Variants in GRAMD1B observed in about 807,000 individuals in gnomAD.
The protein encoded by GRAMD1B is protein Aster-B.
Under a neutral mutation model 99.7 loss-of-function variants are expected in GRAMD1B, and 37 were observed. That is an observed-to-expected ratio of 0.37 (90% confidence interval 0.29 to 0.49). The LOEUF (loss-of-function observed/expected upper bound fraction) is 0.49. Ranked by LOEUF, GRAMD1B falls within the 20% of genes least tolerant of loss-of-function variation. The probability of loss-of-function intolerance (pLI) is 0.98; values close to 1 mark genes in which losing one functional copy is unlikely to be tolerated. For missense variants in GRAMD1B, 888 were observed against 1,009.2 expected (o/e 0.88, Z 1.63); for synonymous variants, 427 against 387.6 (o/e 1.10, Z -1.19).
At chr11:123,389,532 C>T (rs1235532219) in intron 1 of GRAMD1B, among the ~76,000 whole-genome samples, 2 of 152,060 alleles carry the variant, frequency 1.3e-5, no homozygotes, top group African/African-American at 2.4e-5. Flanking sequence ...AAATGTAATG[C>T]AGCGTCCTGG....
At chr11:123,606,860 C>A in intron 11 of GRAMD1B, 62 bp downstream of exon 11, 1 of 1,312,320 alleles carries the variant, frequency 7.6e-7, no homozygotes, top group South Asian at 1.2e-5. Context: ...AAAAGGAGAT[C>A]TCTATGTGGG....
rs570229472 is a variant in GRAMD1B, at chr11:123,596,748, T to G, written c.969+711T>G. On this transcript the variant is annotated intron_variant, in intron 7 of 19. Coordinates refer to ENST00000635736, the MANE Select transcript of GRAMD1B (RefSeq NM_001387025.1). Reference sequence around the variant, plus strand: ...TTTTGTTTTTGTTTTAAGTAGATTATTAAAAAACAATTGAAGGCCTGAGTG... The same window carrying G: ...TTTTGTTTTTGTTTTAAGTAGATTAGTAAAAAACAATTGAAGGCCTGAGTG... 2.0e-5 allele frequency among the ~76,000 whole-genome samples: 3 copies of G among 152,334 alleles called. No homozygotes were observed. In the South Asian group the frequency reaches 6.2e-4, roughly 32 times the overall value.
intron 1 of GRAMD1B, among the ~76,000 whole-genome samples, chr11:123,405,327 C>T (rs932494022): frequency 8.5e-5 from 13 of 152,166 alleles, no homozygotes; most frequent in African/African-American, 3.1e-4. Flanking sequence ...ACTTGTCCTG[C>T]TCTGACCCTT....
intron 2 of GRAMD1B, among the ~76,000 whole-genome samples, chr11:123,539,031 C>A (rs1377736655): frequency 6.6e-6 from 1 of 152,044 alleles, no homozygotes; most frequent in South Asian, 2.1e-4. Context: ...TGTATCAGTA[C>A]TTCGTTACTT....
At chr11:123,563,274 G>A (rs1429254869) in intron 2 of GRAMD1B, among the ~76,000 whole-genome samples, 1 of 152,224 alleles carries the variant, frequency 6.6e-6, no homozygotes, top group Non-Finnish European at 1.5e-5. Context: ...AAGGTGCAAT[G>A]AGTTACACAT....
At chr11:123,422,220 A>G (rs1011268974) in intron 1 of GRAMD1B, among the ~76,000 whole-genome samples, 1 of 152,218 alleles carries the variant, frequency 6.6e-6, no homozygotes, top group South Asian at 2.1e-4. Flanking sequence ...GGCGCAGTGC[A>G]GCAGGGTAGA....
At chr11:123,479,570 A>G (rs536118664) in intron 1 of GRAMD1B, among the ~76,000 whole-genome samples, 1 of 152,354 alleles carries the variant, frequency 6.6e-6, no homozygotes, top group South Asian at 2.1e-4. Context: ...TATGTGAAGC[A>G]GGGGTTGGCC....
chr11:123,526,268 C>T lies in GRAMD1B; in HGVS notation c.452+45375C>T, dbSNP rs1003383988. ...AAGAGGTCTCCTTCATTGATGCCAT[C>T]TCACCAGGCATCGAGGGGTTAAGAT... On this transcript the variant is annotated intron_variant, in intron 2 of 19. Coordinates refer to ENST00000635736, the MANE Select transcript of GRAMD1B (RefSeq NM_001387025.1). 5 of 1,030,002 alleles carry T rather than the reference C, an allele frequency of 4.9e-6. No individual in the cohort carries two copies. In the South Asian group the frequency reaches 5.4e-5, roughly 11 times the overall value. 63.8% of individuals were successfully genotyped at this position (1,030,002 alleles called of 1,614,324 possible). A position where few individuals can be genotyped will look rare whatever the true frequency, so the allele number is the denominator to read the frequency against.
At chr11:123,614,360 G>C (rs529474406) in intron 16 of GRAMD1B, among the ~76,000 whole-genome samples, 176 of 152,304 alleles carry the variant, frequency 1.2e-3, no homozygotes, top group African/African-American at 4.0e-3. Flanking sequence ...CTGACTCTCA[G>C]AGAGCTTACA....
At position 123,587,343 on chromosome 11, in the gene GRAMD1B, A is replaced by G. The variant is rs1369501591; in HGVS notation, c.684+3011A>G. ...AGTCCTCCCATGCCCAATTATATGT[A>G]CTCCTCCTTACCCCCGAAGCCCCAG... is the stretch of plus-strand genomic sequence containing the variant. On this transcript the variant is annotated intron_variant, in intron 4 of 19. Coordinates refer to ENST00000635736, the MANE Select transcript of GRAMD1B (RefSeq NM_001387025.1). The surrounding 1 kb of genome is among the most constrained non-coding windows in gnomAD (Gnocchi z 4.2). 1.3e-5 allele frequency among the ~76,000 whole-genome samples: 2 copies of G among 151,298 alleles called. No individual in the cohort carries two copies. The highest frequency in any genetic ancestry group is 2.9e-5 in the Non-Finnish European group (2 of 67,832).
chr11:123,391,764 T>C (rs1947290291), intron 1 of GRAMD1B, among the ~76,000 whole-genome samples: 1 of 152,204 alleles, frequency 6.6e-6, no homozygotes, highest in Non-Finnish European at 1.5e-5. Flanking sequence ...CCAATTTTAC[T>C]TAATTCTTTC....
chr11:123,489,774 A>T (rs987002687), intron 2 of GRAMD1B, among the ~76,000 whole-genome samples: 4 of 152,222 alleles, frequency 2.6e-5, no homozygotes, highest in Non-Finnish European at 5.9e-5. Flanking sequence ...ATATGGAGAG[A>T]CATAAGCACT....
intron 1 of GRAMD1B, among the ~76,000 whole-genome samples, chr11:123,469,126 A>C (rs1165017085): frequency 1.3e-5 from 2 of 152,012 alleles, no homozygotes; most frequent in Non-Finnish European, 2.9e-5. Flanking sequence ...AGGCAGAGGC[A>C]AGTAGAAGGG....
At chr11:123,540,422 A>G (rs1944394244) in intron 2 of GRAMD1B, among the ~76,000 whole-genome samples, 10 of 152,196 alleles carry the variant, frequency 6.6e-5, no homozygotes, top group Admixed American at 6.5e-4. Flanking sequence ...TGTACTTTCT[A>G]CAAGGCTTTA....
At chr11:123,433,994 A>G (rs184384883) in intron 1 of GRAMD1B, among the ~76,000 whole-genome samples, 2 of 151,856 alleles carry the variant, frequency 1.3e-5, no homozygotes, top group Admixed American at 1.3e-4. Flanking sequence ...CTTTGGGAGG[A>G]TGAGGCAGGC....
chr11:123,484,743 T>G (rs188878303), intron 2 of GRAMD1B, among the ~76,000 whole-genome samples: 21 of 152,290 alleles, frequency 1.4e-4, no homozygotes, highest in African/African-American at 4.6e-4. Context: ...AAGAAAGTCT[T>G]TCTTCTCATC....
At chr11:123,516,197 T>C (rs954744595) in intron 2 of GRAMD1B, among the ~76,000 whole-genome samples, 1 of 152,222 alleles carries the variant, frequency 6.6e-6, no homozygotes, top group African/African-American at 2.4e-5. Context: ...AGGTAGCTAG[T>C]GGCTTAGTGC....
intron 1 of GRAMD1B, among the ~76,000 whole-genome samples, chr11:123,360,498 G>T (rs927243051): frequency 6.6e-6 from 1 of 152,174 alleles, no homozygotes; most frequent in African/African-American, 2.4e-5. Flanking sequence ...AGAGATCCAG[G>T]TCTCAAAAGG....
At chr11:123,570,915 G>A (rs973330877) in intron 2 of GRAMD1B, among the ~76,000 whole-genome samples, 6 of 152,194 alleles carry the variant, frequency 3.9e-5, no homozygotes, top group Non-Finnish European at 8.8e-5. Flanking sequence ...GGTCACTGTA[G>A]GGCTGGGCTT....
Sources: gnomAD v4.1 joint callset for allele counts (sites outside exome capture counted in the v4.1 genomes callset) on GRCh38, gnomAD v4.1.1 for gene constraint, Gnocchi (gnomAD v3.1) non-coding constraint, MANE v1.5 for transcripts, NCBI Gene and HGNC (gene_info 2026-07-23, HGNC 2026-07-21) for gene names.